DOCK1: variants seen among roughly 807,000 people sequenced by gnomAD.
The protein encoded by DOCK1 is dedicator of cytokinesis 1, also known as dedicator of cytokinesis protein 1.
Under a neutral mutation model 262.7 loss-of-function variants are expected in DOCK1, and 138 were observed. The observed-to-expected ratio is 0.53, with a 90% confidence interval of 0.46 to 0.61. The LOEUF (loss-of-function observed/expected upper bound fraction) is 0.61. Among genes scored for constraint, DOCK1 ranks in the 20% least tolerant of loss-of-function variants. DOCK1 has a pLI of 0.00. For missense variants in DOCK1, 1,908 were observed against 2,370.7 expected (o/e 0.80, Z 4.05); for synonymous variants, 866 against 867.4 (o/e 1.00, Z 0.03).
chr10:127,126,564 C>G (rs1451337584), intron 26 of DOCK1, among the ~76,000 whole-genome samples: 1 of 152,078 alleles, frequency 6.6e-6, no homozygotes, highest in African/African-American at 2.4e-5. Flanking sequence ...GAGCCTGTCT[C>G]TAGAAAATGA....
intron 27 of DOCK1, among the ~76,000 whole-genome samples, chr10:127,173,230 G>T (rs2054747362): frequency 6.9e-6 from 1 of 145,204 alleles, no homozygotes; most frequent in African/African-American, 2.4e-5. Flanking sequence ...GTCACCCCAT[G>T]TCATTCCATC....
At chr10:127,393,427 CTGTT>C (rs1438741663) in intron 38 of DOCK1, among the ~76,000 whole-genome samples, 2 of 152,140 alleles carry the variant, frequency 1.3e-5, no homozygotes, top group African/African-American at 4.8e-5. Context: ...AGCTCATTCA[CTGTT>C]TGAAATGTCT....
chr10:127,051,186 A>T (rs1410916817), intron 21 of DOCK1, among the ~76,000 whole-genome samples: 2 of 151,984 alleles, frequency 1.3e-5, no homozygotes, highest in Non-Finnish European at 2.9e-5. Context: ...TCATATTAGG[A>T]TGTTACTTGA....
In DOCK1 at chr10:127,443,913, C is replaced by T. The variant is rs548084827; in HGVS notation, c.5260-213C>T. Reference sequence around the variant, plus strand: ...GTTTTCCAGAGTTTCCTCCCCCGGTCCCCCATTCCTTTTCATGTCTTACTA... The same window carrying T: ...GTTTTCCAGAGTTTCCTCCCCCGGTTCCCCATTCCTTTTCATGTCTTACTA... On this transcript the variant is annotated intron_variant, in intron 49 of 51. Transcript: ENST00000623213. Among the ~76,000 whole-genome samples the T allele has an allele frequency of 7.2e-5, 11 of 152,122 alleles. 1 individual carries two copies. The East Asian group carries it at 7.7e-4, about 11-fold the overall frequency.
At chr10:127,134,008 T>C (rs1413320630) in intron 27 of DOCK1, among the ~76,000 whole-genome samples, 1 of 152,234 alleles carries the variant, frequency 6.6e-6, no homozygotes, top group African/African-American at 2.4e-5. Context: ...TGATTCATAA[T>C]GAAATCAACT....
chr10:127,248,659 C>T (rs1260897094), intron 28 of DOCK1, among the ~76,000 whole-genome samples: 1 of 152,172 alleles, frequency 6.6e-6, no homozygotes, highest in Non-Finnish European at 1.5e-5. Context: ...CCCTAATGAC[C>T]TGAAATTACA....
intron 29 of DOCK1, among the ~76,000 whole-genome samples, chr10:127,261,810 G>A (rs1459869708): frequency 1.1e-5 from 1 of 88,616 alleles, no homozygotes; most frequent in African/African-American, 4.5e-5. Context: ...TGTGGGTGTG[G>A]GTGTGTACCT....
At chr10:127,335,964 C>T (rs1210404911) in intron 29 of DOCK1, among the ~76,000 whole-genome samples, 1 of 152,082 alleles carries the variant, frequency 6.6e-6, no homozygotes, top group African/African-American at 2.4e-5. Context: ...GATCCGCCTG[C>T]CTTGGCCTCC....
Position 127,000,226 on chromosome 10 carries a change from G to C in DOCK1, c.904G>C (p.Val302Leu), listed in dbSNP as rs2040489201. The change falls in exon 10 of 52, where the codon GTT becomes CTT. Residue 302 changes from valine to leucine, a missense_variant. This residue lies in a region of DOCK1 where 102 missense variants were observed against 154.9 expected (regional missense o/e 0.66). Transcript: ENST00000623213. ...REKISFVCQI[V>L]RVGRMELRDN... is the part of the protein sequence containing the mutation. ...GAAAATCAGTTTTGTCTGTCAGATT[G>C]TTCGCGTGGGTCGCATGGAGCTGAG... is the stretch of plus-strand genomic sequence containing the variant. 1 of 1,613,918 alleles carries C rather than the reference G, an allele frequency of 6.2e-7. No homozygotes were observed. The highest frequency in any genetic ancestry group is 1.3e-5 in the African/African-American group (1 of 74,948).
chr10:127,125,541 C>T lies in DOCK1; in HGVS notation c.2691C>T (p.Asp897=). 2 of 1,613,882 alleles carry T rather than the reference C, an allele frequency of 1.2e-6. No homozygotes were observed. The highest frequency in any genetic ancestry group is 1.7e-6 in the Non-Finnish European group (2 of 1,179,856). ...QLKYHLERQE[D]LEACCQLLSH... ...AGTACCATCTGGAGAGACAGGAGGA[C>T]CTGGAGGCCTGCTGTCAGCTGCTCA... The change falls in exon 26 of 52, where the codon GAC becomes GAT. Residue 897 remains aspartate (D), a synonymous_variant. Transcript: ENST00000623213.
chr10:126,906,516 C>CG (rs1295159694), intron 1 of DOCK1, among the ~76,000 whole-genome samples: 1 of 152,180 alleles, frequency 6.6e-6, no homozygotes, highest in Non-Finnish European at 1.5e-5. Context: ...TGCTATTCCC[C>CG]GTCCCACCAT....
At chr10:126,952,294 TGGTG>T (rs1419655061) in intron 1 of DOCK1, among the ~76,000 whole-genome samples, 1 of 151,826 alleles carries the variant, frequency 6.6e-6, no homozygotes, top group African/African-American at 2.4e-5. Flanking sequence ...TTGTAGGTGA[TGGTG>T]GTGGTGGCAG....
At chr10:127,075,646 C>T (rs1164030938) in intron 23 of DOCK1, among the ~76,000 whole-genome samples, 2 of 152,154 alleles carry the variant, frequency 1.3e-5, no homozygotes, top group Non-Finnish European at 2.9e-5. Flanking sequence ...ACCTTCTTCA[C>T]ATGGCGGCAG....
intron 1 of DOCK1, among the ~76,000 whole-genome samples, chr10:126,908,308 G>C (rs962823915): frequency 6.6e-6 from 1 of 152,172 alleles, no homozygotes; most frequent in Non-Finnish European, 1.5e-5. Flanking sequence ...CCACCTAAGG[G>C]AAAATTACTG....
chr10:127,134,755 C>A (rs986008559), intron 27 of DOCK1, among the ~76,000 whole-genome samples: 1 of 152,112 alleles, frequency 6.6e-6, no homozygotes, highest in Non-Finnish European at 1.5e-5. Flanking sequence ...GAAGAACATG[C>A]GATGGTAGCA....
intron 24 of DOCK1, among the ~76,000 whole-genome samples, chr10:127,106,682 G>C (rs972571664): frequency 6.6e-6 from 1 of 152,068 alleles, no homozygotes; most frequent in Admixed American, 6.5e-5. Flanking sequence ...TTCTGCTTCT[G>C]TAATAGAGGC....
At chr10:127,113,798 G>C (rs1451449111) in intron 25 of DOCK1, among the ~76,000 whole-genome samples, 1 of 152,190 alleles carries the variant, frequency 6.6e-6, no homozygotes, top group Non-Finnish European at 1.5e-5. Context: ...TTTGCTCACA[G>C]AGCATTCAGC....
intron 27 of DOCK1, among the ~76,000 whole-genome samples, chr10:127,215,667 C>T (rs2058175832): frequency 6.6e-6 from 1 of 152,046 alleles, no homozygotes; most frequent in African/African-American, 2.4e-5. Context: ...CATTCAAAGG[C>T]TTAAAATATG....
chr10:127,261,388 C>G (rs1269628377), intron 29 of DOCK1, among the ~76,000 whole-genome samples: 37 of 106,106 alleles, frequency 3.5e-4, no homozygotes, highest in Non-Finnish European at 5.5e-4. Context: ...TGTGTGTGTA[C>G]CTGCATGTGT....
Sources: gnomAD v4.1 joint callset for allele counts (sites outside exome capture counted in the v4.1 genomes callset) on GRCh38, gnomAD v4.1.1 for gene constraint, gnomAD v4.1.1 regional missense constraint, MANE v1.5 for transcripts, NCBI Gene and HGNC (gene_info 2026-07-23, HGNC 2026-07-21) for gene names.